DDIAS: variants seen among roughly 807,000 people sequenced by gnomAD.
DDIAS encodes DNA damage-induced apoptosis suppressor protein.
DDIAS carries 14 observed loss-of-function variants against 15.7 expected under a neutral mutation model. The ratio of observed to expected loss-of-function variants is 0.89; its 90% confidence interval spans 0.59 to 1.39. The LOEUF (loss-of-function observed/expected upper bound fraction) is 1.39, where lower values mean the gene tolerates loss of function less well. DDIAS is among the 40% of genes most tolerant of loss of function. DDIAS has a pLI of 0.00. For synonymous variants in DDIAS, 355 were observed against 395.9 expected (o/e 0.90, Z 1.23); for missense variants, 1,035 against 1,130.9 (o/e 0.92, Z 1.22).
chr11:82,934,460 C>A lies in DDIAS; in HGVS notation c.*125C>A. The A allele has an allele frequency of 1.1e-6, 1 of 914,678 alleles. No homozygotes were observed. Among genetic ancestry groups the A allele is most frequent in the Non-Finnish European group, 1.6e-6 (1 of 630,202 alleles). The allele number at this position is 914,678 out of a possible 1,614,324, so 56.7% of individuals were successfully genotyped here. A position where few individuals can be genotyped will look rare whatever the true frequency, so the allele number is the denominator to read the frequency against. Reference sequence around the variant, plus strand: ...GAAGCAAATTGAAAACAGGACTCTGCTGGGAGCTACTGTGCCTTTTAAAAT... The same window carrying A: ...GAAGCAAATTGAAAACAGGACTCTGATGGGAGCTACTGTGCCTTTTAAAAT... On this transcript the variant is annotated 3_prime_UTR_variant, in exon 6 of 6. Coordinates refer to ENST00000533655, the MANE Select transcript of DDIAS (RefSeq NM_145018.4).
rs1024579965 is a variant in DDIAS, at chr11:82,914,834, A to G, written c.96A>G (p.Ile32Met). Residue 32 changes from isoleucine (I) to methionine (M), a missense_variant, in exon 3 of 6, where the codon ATA (isoleucine) becomes ATG (methionine). Coordinates refer to ENST00000533655, the MANE Select transcript of DDIAS (RefSeq NM_145018.4). ...YPSCQKCFSR[I>M]ILVSKRSNCP... Reference sequence around the variant, plus strand: ...CATGTCAGAAGTGCTTCTCTAGGATAATCCTGGTCTCCAAAAGGTAAAAGT... The same window carrying G: ...CATGTCAGAAGTGCTTCTCTAGGATGATCCTGGTCTCCAAAAGGTAAAAGT... 31 of 1,584,762 alleles carry G rather than the reference A, an allele frequency of 2.0e-5. No homozygotes were observed. The highest frequency in any genetic ancestry group is 2.6e-5 in the Non-Finnish European group (30 of 1,155,374).
In DDIAS at chr11:82,931,713, T is replaced by G. The variant is rs754156475; in HGVS notation, c.394-19T>G. On this transcript the variant is annotated intron_variant, in intron 5 of 5. Coordinates refer to ENST00000533655, the MANE Select transcript of DDIAS (RefSeq NM_145018.4). ...AAGACAATTTTATTCTTACTTAAAT[T>G]TCTTTGCTTCTTTCACAGAATTTTG... The G allele has an allele frequency of 2.6e-6, 4 of 1,554,360 alleles. No individual in the cohort carries two copies. In the Admixed American group the frequency reaches 8.5e-5, roughly 33 times the overall value.
At chr11:82,930,419 T>C in intron 5 of DDIAS, 145 bp downstream of exon 5, 1 of 578,452 alleles carries the variant, frequency 1.7e-6, no homozygotes, top group Non-Finnish European at 2.9e-6. Flanking sequence ...AGCCTATAGG[T>C]GGTCTGTTAA....
rs1323611433 is a variant in DDIAS, at chr11:82,933,931, G to C, written c.2593G>C (p.Val865Leu). 1 of 1,613,200 alleles carries C rather than the reference G, an allele frequency of 6.2e-7. No homozygotes were observed. The highest frequency in any genetic ancestry group is 8.5e-7 in the Non-Finnish European group (1 of 1,179,854). ...ECHETDSDEW[V>L]PPTTQKIFPS... Reference sequence around the variant, plus strand: ...CCATGAAACTGATAGTGATGAATGGGTCCCTCCTACCACACAAAAAATATT... The same window carrying C: ...CCATGAAACTGATAGTGATGAATGGCTCCCTCCTACCACACAAAAAATATT... Residue 865 changes from valine (V) to leucine (L), a missense_variant, in exon 6 of 6, where the codon GTC becomes CTC. Val to Leu is a conservative substitution (Grantham distance 32). Transcript: ENST00000533655.
intron 1 of DDIAS, among the ~76,000 whole-genome samples, chr11:82,906,809 G>A (rs7935574): frequency 0.021 from 3,226 of 152,194 alleles, 134 homozygotes; most frequent in African/African-American, 0.073. Context: ...TGTGTACTTC[G>A]TATACAAATA....
At chr11:82,921,704 G>A (rs967024843) in intron 3 of DDIAS, among the ~76,000 whole-genome samples, 4 of 148,108 alleles carry the variant, frequency 2.7e-5, no homozygotes, top group African/African-American at 5.0e-5. Context: ...TCAGCCTCCC[G>A]AGTAGCTGGG....
chr11:82,930,386 AAC>A, intron 5 of DDIAS, 112 bp downstream of exon 5: 1 of 731,328 alleles, frequency 1.4e-6, no homozygotes, highest in African/African-American at 1.8e-5. Flanking sequence ...GGCCTGTAGA[AAC>A]ACTTTAAACT....
rs758114069 is a variant in DDIAS, at chr11:82,932,741, C to T, written c.1403C>T (p.Thr468Ile). 2 of 1,613,944 alleles carry T rather than the reference C, an allele frequency of 1.2e-6. No homozygotes were observed. Among genetic ancestry groups the T allele is most frequent in the African/African-American group, 2.7e-5 (2 of 74,916 alleles). Residue 468 changes from threonine (T) to isoleucine (I), a missense_variant, in exon 6 of 6, where the codon ACT becomes ATT. By Grantham distance (89) the Thr-to-Ile change is moderately conservative. Coordinates refer to ENST00000533655, the MANE Select transcript of DDIAS (RefSeq NM_145018.4). ...AGGTTATCTGTGACTCCCCAGAGAA[C>T]TACTGGAGCCCTGCATACACCACCT... ...HSRLSVTPQRTTGALHTPPIA... is the reference protein window; with the variant it reads ...HSRLSVTPQRITGALHTPPIA...
chr11:82,916,552 A>G (rs958112401), intron 3 of DDIAS, among the ~76,000 whole-genome samples: 2 of 152,200 alleles, frequency 1.3e-5, no homozygotes, highest in African/African-American at 2.4e-5. Flanking sequence ...TCAGTAATAT[A>G]TAGATATAAA....
intron 3 of DDIAS, among the ~76,000 whole-genome samples, chr11:82,928,177 C>CTTTTTTTTTTTTTTTTT (rs541845327): frequency 5.8e-5 from 2 of 34,208 alleles, no homozygotes; most frequent in African/African-American, 1.9e-4. Flanking sequence ...TTTTTGTCCT[C>CTTTTTTTTTTTTTTTTT]TTTTTTTTTT....
chr11:82,904,615 G>C (rs748383358), intron 1 of DDIAS, among the ~76,000 whole-genome samples: 2 of 152,168 alleles, frequency 1.3e-5, no homozygotes, highest in Non-Finnish European at 2.9e-5. Context: ...CATTACCTGG[G>C]AACTTAAAAT....
At chr11:82,906,640 C>T (rs960176161) in intron 1 of DDIAS, among the ~76,000 whole-genome samples, 1 of 151,888 alleles carries the variant, frequency 6.6e-6, no homozygotes, top group Non-Finnish European at 1.5e-5. Flanking sequence ...TGATGAATGC[C>T]CATATTGTTG....
chr11:82,927,512 A>G (rs1175904720), intron 3 of DDIAS, among the ~76,000 whole-genome samples: 1 of 152,184 alleles, frequency 6.6e-6, no homozygotes, highest in East Asian at 1.9e-4. Context: ...ACCATCTTTC[A>G]CCTTGCTTTC....
At position 82,929,422 on chromosome 11, in the gene DDIAS, G is replaced by A. The variant is rs995490684; in HGVS notation, c.275+484G>A. ...AGAATAAGCAATTAAAGCTTTTCTT[G>A]GCCGGGCGCGGTAGCTCACGCCTGT... On this transcript the variant is annotated intron_variant, in intron 4 of 5. Transcript: ENST00000533655. 4.6e-5 allele frequency among the ~76,000 whole-genome samples: 7 copies of A among 152,118 alleles called. No individual in the cohort carries two copies. The East Asian group carries it at 1.3e-3, about 29-fold the overall frequency.
At chr11:82,923,827 T>G (rs1017827536) in intron 3 of DDIAS, among the ~76,000 whole-genome samples, 4 of 152,232 alleles carry the variant, frequency 2.6e-5, no homozygotes, top group African/African-American at 9.6e-5. Context: ...AAAAAAAATG[T>G]GTACAAAGTT....
chr11:82,902,813 C>A (rs1860348193), intron 1 of DDIAS, among the ~76,000 whole-genome samples: 1 of 152,186 alleles, frequency 6.6e-6, no homozygotes, highest in African/African-American at 2.4e-5. Context: ...GTTTATTCTG[C>A]AGATAGTTAA....
rs1319866759 is a variant in DDIAS, at chr11:82,934,167, C to T, written c.2829C>T (p.Gly943=). The T allele has an allele frequency of 6.8e-6, 11 of 1,613,796 alleles. No individual in the cohort carries two copies. Among genetic ancestry groups the T allele is most frequent in the Non-Finnish European group, 9.3e-6 (11 of 1,179,982 alleles). The change falls in exon 6 of 6, where the codon GGC becomes GGT. Residue 943 remains glycine, a synonymous_variant. Transcript: ENST00000533655. The part of the protein sequence containing the change: ...KTHKYNCKSS[G]WISKCPDIQV... Reference sequence around the variant, plus strand: ...ATAAATATAACTGTAAAAGTTCAGGCTGGATTTCCAAATGTCCAGACATTC... The same window carrying T: ...ATAAATATAACTGTAAAAGTTCAGGTTGGATTTCCAAATGTCCAGACATTC...
At position 82,934,075 on chromosome 11, in the gene DDIAS, A is replaced by G; in HGVS notation, c.2737A>G (p.Asn913Asp). 1 of 1,611,568 alleles carries G rather than the reference A, an allele frequency of 6.2e-7. No homozygotes were observed. Among genetic ancestry groups the G allele is most frequent in the South Asian group, 1.1e-5 (1 of 90,082 alleles). The part of the protein sequence containing the change: ...KKLKHIRQGT[N>D]KGLIKKKLKN... ...ACTGAAACATATTAGACAAGGAACC[A>G]ATAAAGGTTTAATTAAGAAGAAATT... Residue 913 changes from asparagine (N) to aspartate (D), a missense_variant, in exon 6 of 6, where the codon AAT (asparagine) becomes GAT (aspartate). Transcript: ENST00000533655.
At chr11:82,912,566 A>G (rs1035924280) in intron 1 of DDIAS, among the ~76,000 whole-genome samples, 1 of 152,194 alleles carries the variant, frequency 6.6e-6, no homozygotes, top group Non-Finnish European at 1.5e-5. Context: ...GCTTCGATTT[A>G]AGGGAATGTT....
Sources: allele counts gnomAD v4.1 joint callset (sites outside exome capture counted in the v4.1 genomes callset), GRCh38; gene constraint gnomAD v4.1.1; transcripts MANE v1.5; gene names NCBI Gene and HGNC (gene_info 2026-07-23, HGNC 2026-07-21).